NOL10: variants seen among roughly 807,000 people sequenced by gnomAD.
NOL10 encodes nucleolar protein 10, also known as H_NH0074G24.1.
In NOL10, 58 loss-of-function variants were observed where a neutral mutation model predicts 103.5. The ratio of observed to expected loss-of-function variants is 0.56; its 90% CI spans 0.45 to 0.70. NOL10 has a LOEUF of 0.70. Among genes scored for constraint, NOL10 ranks in the 30% least tolerant of loss-of-function variants. The pLI is 0.00. For synonymous variants in NOL10, 287 were observed against 282.5 expected, an observed-to-expected ratio of 1.02 and a Z score of -0.16; for missense variants, 763 against 807.3, an observed-to-expected ratio of 0.95 and a Z score of 0.67.
intron 7 of NOL10, among the ~76,000 whole-genome samples, chr2:10,668,002 C>A (rs1680664921): frequency 6.6e-6 from 1 of 152,156 alleles, no homozygotes; most frequent in African/African-American, 2.4e-5. Context: ...AGCTTCCACC[C>A]TTGACTAGTT....
At chr2:10,673,366 C>A (rs1183891549) in intron 5 of NOL10, 154 bp downstream of exon 5, 3 of 453,664 alleles carry the variant, frequency 6.6e-6, no homozygotes, top group African/African-American at 6.1e-5. Flanking sequence ...TGATGGGTTA[C>A]ATTTTACTAC....
chr2:10,626,376 C>T (rs554790188), intron 13 of NOL10, among the ~76,000 whole-genome samples: 4 of 152,150 alleles, frequency 2.6e-5, no homozygotes, highest in African/African-American at 9.6e-5. Flanking sequence ...GAGAAACTTA[C>T]GTTGGGATTT....
chr2:10,589,324 C>T (rs759165653), intron 18 of NOL10, 34 bp from the exon 19 acceptor site: 2 of 1,608,698 alleles, frequency 1.2e-6, no homozygotes, highest in Non-Finnish European at 8.5e-7. Context: ...CAACTCCTTT[C>T]CCCCAGTCAA....
chr2:10,577,173 G>A (rs1674497011), intron 20 of NOL10, among the ~76,000 whole-genome samples: 1 of 152,224 alleles, frequency 6.6e-6, no homozygotes, highest in Non-Finnish European at 1.5e-5. Context: ...ATCTGGGCAA[G>A]CTGGGTGTGA....
intron 2 of NOL10, among the ~76,000 whole-genome samples, 193 bp from the exon 3 acceptor site, chr2:10,682,262 G>A (rs1325265610): frequency 6.6e-6 from 1 of 151,898 alleles, no homozygotes; most frequent in Non-Finnish European, 1.5e-5. Flanking sequence ...TAGCTCATAC[G>A]TTGTTTTTCT....
At chr2:10,614,523 A>G (rs7563894) in intron 13 of NOL10, among the ~76,000 whole-genome samples, 89,956 of 152,062 alleles carry the variant, frequency 0.59, 27,623 homozygotes, top group African/African-American at 0.74. Flanking sequence ...CTGGGTCAGT[A>G]GCCCATGATC....
intron 19 of NOL10, among the ~76,000 whole-genome samples, chr2:10,583,064 T>C (rs765849296): frequency 1.3e-5 from 2 of 152,130 alleles, no homozygotes; most frequent in Non-Finnish European, 2.9e-5. Context: ...GCCTCTCTAC[T>C]CCGATGGGTG....
rs146130264 is a variant in NOL10 at position 10,664,423 on chromosome 2, A to C, written c.592-1379T>G. Among the ~76,000 whole-genome samples the C allele has an allele frequency of 6.4e-3, 970 of 152,230 alleles. 15 individuals carry two copies. Among genetic ancestry groups the C allele is most frequent in the African/African-American group, 0.022 (908 of 41,562 alleles). Reference sequence around the variant, plus strand: ...GCAAGACTGTCTCAAAAAAAAACAGAATGGAGAAACTGTAGTACGTCCATT... The same window carrying C: ...GCAAGACTGTCTCAAAAAAAAACAGCATGGAGAAACTGTAGTACGTCCATT... On this transcript the variant is annotated intron_variant, in intron 8 of 20. Transcript: ENST00000381685.
intron 17 of NOL10, among the ~76,000 whole-genome samples, chr2:10,597,169 T>C (rs1380835034): frequency 6.6e-6 from 1 of 152,160 alleles, no homozygotes; most frequent in Non-Finnish European, 1.5e-5. Flanking sequence ...AACCAAAATT[T>C]CTGAGTTTGG....
Position 10,589,068 on chromosome 2 carries a change from A to G in NOL10, c.1819T>C (p.Ser607Pro). Residue 607 changes from serine (S) to proline (P), a missense_variant, in exon 19 of 21, where the codon TCT becomes CCT. By Grantham distance (74) the Ser-to-Pro change is moderately conservative. Transcript: ENST00000381685. ...TTCATCAGTTTCTGCTTTGTGGCAGAATCTTTGAAGCTTCTAAATTCTTCT... is the reference window on the plus strand; with the variant it reads ...TTCATCAGTTTCTGCTTTGTGGCAGGATCTTTGAAGCTTCTAAATTCTTCT... The part of the protein sequence containing the change: ...AGEEFRSFKD[S>P]ATKQKLMNKT... 6.2e-7 allele frequency: 1 copy of G among 1,614,008 alleles called. No homozygotes were observed. The highest frequency in any genetic ancestry group is 1.6e-4 in the Middle Eastern group (1 of 6,062).
intron 13 of NOL10, among the ~76,000 whole-genome samples, chr2:10,635,637 C>T (rs1020069326): frequency 6.6e-6 from 1 of 152,164 alleles, no homozygotes; most frequent in East Asian, 1.9e-4. Context: ...TCCTTCACAG[C>T]GCTTAGTCAC....
intron 12 of NOL10, among the ~76,000 whole-genome samples, chr2:10,648,242 C>G (rs767737695): frequency 2.6e-5 from 4 of 152,070 alleles, no homozygotes; most frequent in Non-Finnish European, 5.9e-5. Flanking sequence ...TTCAATTACT[C>G]CAAAATGAGT....
chr2:10,578,232 G>A lies in NOL10; in HGVS notation c.1845-494C>T, dbSNP rs747515618. 2.0e-5 allele frequency among the ~76,000 whole-genome samples: 3 copies of A among 152,178 alleles called. No individual in the cohort carries two copies. The East Asian group carries it at 5.8e-4, about 29-fold the overall frequency. ...AGGTCAAGCCACAGAGAAGAGCTAT[G>A]ATAATTCTCGTTTTTCCTTCACTCA... On this transcript the variant is annotated intron_variant, in intron 19 of 20. Coordinates refer to ENST00000381685, the MANE Select transcript of NOL10 (RefSeq NM_024894.4).
At chr2:10,624,192 T>TA (rs1425458480) in intron 13 of NOL10, among the ~76,000 whole-genome samples, 2 of 151,464 alleles carry the variant, frequency 1.3e-5, no homozygotes, top group East Asian at 1.9e-4. Flanking sequence ...TTTTTTTTTT[T>TA]AATTGATCAT....
chr2:10,666,294 A>C (rs1415762234), intron 8 of NOL10, among the ~76,000 whole-genome samples: 1 of 152,116 alleles, frequency 6.6e-6, no homozygotes, highest in Non-Finnish European at 1.5e-5. Context: ...AATTCCATCC[A>C]TATGAAACTG....
At chr2:10,664,824 C>G (rs1202374910) in intron 8 of NOL10, among the ~76,000 whole-genome samples, 3 of 152,206 alleles carry the variant, frequency 2.0e-5, no homozygotes, top group African/African-American at 4.8e-5. Context: ...CGTGAGCCAC[C>G]ACACCCAGCC....
At chr2:10,598,343 G>A (rs1208008434) in intron 17 of NOL10, among the ~76,000 whole-genome samples, 4 of 152,086 alleles carry the variant, frequency 2.6e-5, no homozygotes, top group South Asian at 2.1e-4. Flanking sequence ...AGACAAACTC[G>A]TGTGACATTT....
At chr2:10,641,535 A>T (rs531887661) in intron 13 of NOL10, among the ~76,000 whole-genome samples, 3 of 152,360 alleles carry the variant, frequency 2.0e-5, no homozygotes, top group Non-Finnish European at 4.4e-5. Context: ...TTGCATGAAC[A>T]AAAAAGCTGT....
chr2:10,575,645 C>G (rs1034175513), intron 20 of NOL10, among the ~76,000 whole-genome samples: 1 of 152,122 alleles, frequency 6.6e-6, no homozygotes, highest in Non-Finnish European at 1.5e-5. Context: ...CAACTCAGTA[C>G]CTCCCGATTT....
Sources: allele counts gnomAD v4.1 joint callset (sites outside exome capture counted in the v4.1 genomes callset), GRCh38; gene constraint gnomAD v4.1.1; transcripts MANE v1.5; gene names NCBI Gene and HGNC (gene_info 2026-07-23, HGNC 2026-07-21).